Variants in USH2A observed in about 807,000 individuals in gnomAD.
The protein encoded by USH2A is Usher syndrome 2A (autosomal recessive, mild).
Under a neutral mutation model 538.9 loss-of-function variants are expected in USH2A, and 443 were observed. That is an observed-to-expected ratio of 0.82 (90% CI 0.76 to 0.89). The LOEUF (loss-of-function observed/expected upper bound fraction) is 0.89, where lower values mean the gene tolerates loss of function less well. Among genes scored for constraint, USH2A ranks in the 40% least tolerant of loss-of-function variants. The pLI, the probability that USH2A is intolerant of heterozygous loss-of-function variation, is 0.00. For synonymous variants in USH2A, 2,413 were observed against 2,273.5 expected (o/e 1.06, Z -1.75); for missense variants, 6,633 against 6,324.8 (o/e 1.05, Z -1.65).
intron 12 of USH2A, among the ~76,000 whole-genome samples, chr1:216,248,114 A>G (rs2036088630): frequency 6.6e-6 from 1 of 152,140 alleles, no homozygotes; most frequent in Non-Finnish European, 1.5e-5. Context: ...TGGCTCATAA[A>G]GCAATCACAT....
intron 8 of USH2A, 35 bp from the exon 9 acceptor site, chr1:216,322,011 A>G: frequency 6.3e-7 from 1 of 1,590,630 alleles, no homozygotes; most frequent in Non-Finnish European, 8.6e-7. Context: ...CCTAAGGAAC[A>G]CCAACTCAAC....
intron 13 of USH2A, among the ~76,000 whole-genome samples, chr1:216,246,101 T>C (rs1412788874): frequency 6.6e-6 from 1 of 152,192 alleles, no homozygotes; most frequent in Non-Finnish European, 1.5e-5. Context: ...TTTTATTAAT[T>C]TGATGGCATG....
At chr1:215,734,658 C>T (rs1660103405) in intron 60 of USH2A, among the ~76,000 whole-genome samples, 1 of 152,180 alleles carries the variant, frequency 6.6e-6, no homozygotes, top group South Asian at 2.1e-4. Context: ...GTCTTGAATG[C>T]TGCTTTGTTG....
At chr1:216,360,893 C>T (rs2038479145) in intron 4 of USH2A, among the ~76,000 whole-genome samples, 1 of 151,914 alleles carries the variant, frequency 6.6e-6, no homozygotes, top group South Asian at 2.1e-4. Context: ...TAATTTAAAT[C>T]TCAACAGAAT....
intron 2 of USH2A, among the ~76,000 whole-genome samples, chr1:216,419,078 T>G (rs1315919666): frequency 6.6e-6 from 1 of 152,148 alleles, no homozygotes; most frequent in Non-Finnish European, 1.5e-5. Context: ...GCAAAAATTT[T>G]TTTTTAATGT....
intron 30 of USH2A, among the ~76,000 whole-genome samples, chr1:216,057,765 T>A (rs1352952801): frequency 6.6e-6 from 1 of 152,220 alleles, no homozygotes; most frequent in Non-Finnish European, 1.5e-5. Flanking sequence ...CTGGCTTTTA[T>A]CTTTAATAAC....
chr1:215,719,106 T>G (rs754443452), intron 61 of USH2A, among the ~76,000 whole-genome samples: 1 of 152,152 alleles, frequency 6.6e-6, no homozygotes, highest in Non-Finnish European at 1.5e-5. Flanking sequence ...AGATGCCAAT[T>G]TGGCAGAATC....
chr1:215,629,598 T>C (rs1436912139), intron 70 of USH2A, among the ~76,000 whole-genome samples: 2 of 151,942 alleles, frequency 1.3e-5, no homozygotes, highest in African/African-American at 4.8e-5. Flanking sequence ...CCATTTCTTA[T>C]AGGATTCCAG....
At chr1:215,781,436 T>C (rs1179175511) in intron 54 of USH2A, among the ~76,000 whole-genome samples, 1 of 152,208 alleles carries the variant, frequency 6.6e-6, no homozygotes, top group Non-Finnish European at 1.5e-5. Flanking sequence ...CAAGCAGATA[T>C]TTGACAATAT....
At chr1:215,837,770 A>G (rs1453188759) in intron 47 of USH2A, among the ~76,000 whole-genome samples, 1 of 152,254 alleles carries the variant, frequency 6.6e-6, no homozygotes, top group Non-Finnish European at 1.5e-5. Context: ...GTTACTAAAT[A>G]AGAAATCTGA....
At chr1:216,377,377 G>A (rs2038841528) in intron 3 of USH2A, among the ~76,000 whole-genome samples, 1 of 152,138 alleles carries the variant, frequency 6.6e-6, no homozygotes, top group Non-Finnish European at 1.5e-5. Flanking sequence ...GTAGAAAACA[G>A]TCATTAATTT....
At chr1:215,918,005 C>A (rs1666004066) in intron 38 of USH2A, among the ~76,000 whole-genome samples, 1 of 151,634 alleles carries the variant, frequency 6.6e-6, no homozygotes, top group Admixed American at 6.6e-5. Flanking sequence ...AGAAAATAAA[C>A]CATTATATTT....
At chr1:215,949,317 A>C (rs1467427743) in intron 37 of USH2A, among the ~76,000 whole-genome samples, 1 of 152,114 alleles carries the variant, frequency 6.6e-6, no homozygotes, top group Non-Finnish European at 1.5e-5. Context: ...AAAATAACAC[A>C]TTTCTAGATG....
intron 47 of USH2A, among the ~76,000 whole-genome samples, chr1:215,833,086 G>A (rs1339937372): frequency 6.6e-6 from 1 of 151,964 alleles, no homozygotes; most frequent in Non-Finnish European, 1.5e-5. Context: ...GAGCAAGAGT[G>A]TGTTCTTGAA....
intron 30 of USH2A, among the ~76,000 whole-genome samples, chr1:216,055,071 AT>A (rs111832762): frequency 1.6e-4 from 24 of 151,266 alleles, no homozygotes; most frequent in Admixed American, 2.0e-4. Context: ...TTTATCTCTC[AT>A]TTTTTTTTCT....
At chr1:215,860,332 C>G (rs960769980) in intron 44 of USH2A, among the ~76,000 whole-genome samples, 1 of 152,156 alleles carries the variant, frequency 6.6e-6, no homozygotes, top group Non-Finnish European at 1.5e-5. Context: ...AAGCTATGTT[C>G]CATGAGCTAA....
At chr1:215,892,316 G>A (rs1289488539) in intron 40 of USH2A, among the ~76,000 whole-genome samples, 1 of 152,054 alleles carries the variant, frequency 6.6e-6, no homozygotes, top group Non-Finnish European at 1.5e-5. Flanking sequence ...TTGTTGCCCT[G>A]AAGCAATATT....
chr1:216,421,701 A>G, intron 2 of USH2A, 151 bp downstream of exon 2: 9 of 1,282,580 alleles, frequency 7.0e-6, no homozygotes, highest in Non-Finnish European at 9.7e-6. Context: ...AGAGAAAAAA[A>G]TTTTAATTGG....
intron 61 of USH2A, among the ~76,000 whole-genome samples, chr1:215,685,096 G>A (rs2102676189): frequency 6.6e-6 from 1 of 152,166 alleles, no homozygotes; most frequent in Admixed American, 6.5e-5. Flanking sequence ...CCCATTAACT[G>A]TTATCTAAAA....
Sources: gnomAD v4.1 joint callset for allele counts (sites outside exome capture counted in the v4.1 genomes callset) on GRCh38, gnomAD v4.1.1 for gene constraint, MANE v1.5 for transcripts, NCBI Gene and HGNC (gene_info 2026-07-23, HGNC 2026-07-21) for gene names.